RIC8B: variants seen among roughly 807,000 people sequenced by gnomAD.
RIC8B encodes the protein RIC8 guanine nucleotide exchange factor B, also known as chaperone Ric-8B.
In RIC8B, 16 loss-of-function variants were observed where a neutral mutation model predicts 57.5. That is an observed-to-expected ratio of 0.28 (90% confidence interval 0.19 to 0.42). The LOEUF is 0.42. Among genes scored for constraint, RIC8B ranks in the 10% least tolerant of loss-of-function variants. The pLI is 1.00. For missense variants in RIC8B, 481 were observed against 677.0 expected (o/e 0.71, Z 3.21); for synonymous variants, 216 against 250.8 (o/e 0.86, Z 1.31).
At chr12:106,849,307 A>G (rs991267200) in intron 6 of RIC8B, among the ~76,000 whole-genome samples, 21 of 149,908 alleles carry the variant, frequency 1.4e-4, no homozygotes, top group Non-Finnish European at 3.0e-4. Flanking sequence ...TTATTTATTT[A>G]TTTATTTATT....
chr12:106,821,804 T>C (rs2045854909), intron 3 of RIC8B, among the ~76,000 whole-genome samples: 1 of 150,054 alleles, frequency 6.7e-6, no homozygotes, highest in Admixed American at 6.6e-5. Context: ...GGCGTTCAGG[T>C]GCGGTGGCTC....
chr12:106,775,585 T>G, intron 1 of RIC8B, among the ~76,000 whole-genome samples: 1 of 152,258 alleles, frequency 6.6e-6, no homozygotes, highest in Non-Finnish European at 1.5e-5. Flanking sequence ...TTGCCCAAGG[T>G]CATACTTGGA....
intron 4 of RIC8B, among the ~76,000 whole-genome samples, chr12:106,835,206 T>C (rs1287553137): frequency 6.6e-6 from 1 of 152,074 alleles, no homozygotes; most frequent in Non-Finnish European, 1.5e-5. Flanking sequence ...CATTAGTAAG[T>C]TACCTTATCA....
chr12:106,870,769 A>G (rs1950368382), intron 8 of RIC8B, 54 bp from the exon 9 acceptor site: 3 of 1,378,536 alleles, frequency 2.2e-6, no homozygotes, highest in African/African-American at 1.5e-5. Context: ...CCAGAAAAGT[A>G]TAGAAAGAGC....
chr12:106,811,951 T>C (rs1163649060), intron 2 of RIC8B, among the ~76,000 whole-genome samples: 3 of 152,216 alleles, frequency 2.0e-5, no homozygotes, highest in Non-Finnish European at 4.4e-5. Flanking sequence ...AATGCTGCCT[T>C]TTCAACCACT....
chr12:106,813,891 G>T (rs1386676259), intron 2 of RIC8B, among the ~76,000 whole-genome samples: 1 of 152,120 alleles, frequency 6.6e-6, no homozygotes, highest in Non-Finnish European at 1.5e-5. Flanking sequence ...AATTTTGAGG[G>T]AGTGGTCAGT....
intron 2 of RIC8B, among the ~76,000 whole-genome samples, chr12:106,802,450 T>G (rs888341320): frequency 1.3e-5 from 2 of 151,306 alleles, no homozygotes; most frequent in African/African-American, 4.9e-5. Context: ...GAAGGAGGAG[T>G]CTATTCTATT....
intron 7 of RIC8B, among the ~76,000 whole-genome samples, chr12:106,853,507 C>T (rs1949575573): frequency 1.8e-5 from 2 of 114,144 alleles, no homozygotes; most frequent in Non-Finnish European, 3.3e-5. Context: ...CTCACTCCGT[C>T]GCCCAGGCTG....
chr12:106,824,303 CAG>C (rs1337070103), intron 3 of RIC8B, among the ~76,000 whole-genome samples: 2 of 152,172 alleles, frequency 1.3e-5, no homozygotes, highest in African/African-American at 4.8e-5. Context: ...AACTGAGGCT[CAG>C]AGAAACTATA....
chr12:106,821,134 G>A (rs576286599), intron 3 of RIC8B, among the ~76,000 whole-genome samples: 1 of 152,342 alleles, frequency 6.6e-6, no homozygotes, highest in South Asian at 2.1e-4. Flanking sequence ...ATCTTTGTGA[G>A]ACAGGAGCAT....
At chr12:106,821,805 G>C (rs578114155) in intron 3 of RIC8B, among the ~76,000 whole-genome samples, 3 of 152,058 alleles carry the variant, frequency 2.0e-5, no homozygotes, top group Non-Finnish European at 4.4e-5. Context: ...GCGTTCAGGT[G>C]CGGTGGCTCA....
chr12:106,841,037 C>T (rs1337923966), intron 4 of RIC8B, among the ~76,000 whole-genome samples: 3 of 151,988 alleles, frequency 2.0e-5, no homozygotes, highest in East Asian at 1.9e-4. Context: ...AGAAGCAAAA[C>T]GTTCTGAACT....
Position 106,860,248 on chromosome 12 carries a change from A to G in RIC8B, c.1307-20A>G. The G allele has an allele frequency of 1.9e-6, 3 of 1,551,540 alleles. No individual in the cohort carries two copies. The highest frequency in any genetic ancestry group is 1.2e-5 in the South Asian group (1 of 80,526). On this transcript the variant is annotated intron_variant, in intron 7 of 9. Transcript: ENST00000392837. ...GAAGACCCAAGGATTCCTATCTAAAACCCTATTCTGTTTTTGCAGTGGATA... is the reference window on the plus strand; with the variant it reads ...GAAGACCCAAGGATTCCTATCTAAAGCCCTATTCTGTTTTTGCAGTGGATA...
chr12:106,778,050 GA>G (rs1020488499), intron 1 of RIC8B, among the ~76,000 whole-genome samples: 3 of 152,214 alleles, frequency 2.0e-5, no homozygotes, highest in African/African-American at 7.2e-5. Context: ...AGGATTAAAT[GA>G]GTTACATGTG....
At chr12:106,790,804 T>C (rs1014752442) in intron 2 of RIC8B, among the ~76,000 whole-genome samples, 1 of 152,210 alleles carries the variant, frequency 6.6e-6, no homozygotes, top group Non-Finnish European at 1.5e-5. Flanking sequence ...TTGTCTGAGA[T>C]AAATCTTTGT....
chr12:106,826,515 A>T (rs1241667498), intron 4 of RIC8B, among the ~76,000 whole-genome samples: 2 of 152,222 alleles, frequency 1.3e-5, no homozygotes, highest in Non-Finnish European at 2.9e-5. Context: ...ACACTTTGGG[A>T]GTCCAAGGCC....
chr12:106,783,428 A>G (rs1289992617), intron 1 of RIC8B, among the ~76,000 whole-genome samples: 1 of 152,208 alleles, frequency 6.6e-6, no homozygotes, highest in Non-Finnish European at 1.5e-5. Context: ...GAAATATCAA[A>G]CCATCAAGTC....
At chr12:106,862,486 T>C (rs1318488498) in intron 8 of RIC8B, among the ~76,000 whole-genome samples, 2 of 152,064 alleles carry the variant, frequency 1.3e-5, no homozygotes, top group Non-Finnish European at 2.9e-5. Context: ...GAGCGATCCA[T>C]AGAGCTCAAA....
intron 4 of RIC8B, among the ~76,000 whole-genome samples, chr12:106,831,244 G>C (rs1257810962): frequency 6.6e-6 from 1 of 152,166 alleles, no homozygotes; most frequent in Non-Finnish European, 1.5e-5. Context: ...CTGACAGATG[G>C]CTCCATCTTC....
Sources: allele counts gnomAD v4.1 joint callset (sites outside exome capture counted in the v4.1 genomes callset), GRCh38; gene constraint gnomAD v4.1.1; transcripts MANE v1.5; gene names NCBI Gene and HGNC (gene_info 2026-07-23, HGNC 2026-07-21).